The following PDE6C variants were observed in gnomAD, a reference collection of about 807,000 sequenced individuals.
The protein encoded by PDE6C is cone cGMP-specific 3',5'-cyclic phosphodiesterase subunit alpha'.
A neutral mutation model predicts 113.1 loss-of-function variants in PDE6C; 75 were observed. The ratio of observed to expected loss-of-function variants is 0.66; its 90% confidence interval spans 0.55 to 0.80. The LOEUF (loss-of-function observed/expected upper bound fraction) is 0.80. PDE6C is among the 30% of genes least tolerant of loss of function. The pLI is 0.00. For synonymous variants in PDE6C, 375 were observed against 363.7 expected, an observed-to-expected ratio of 1.03 and a Z score of -0.35; for missense variants, 912 against 1,038.6, an observed-to-expected ratio of 0.88 and a Z score of 1.67.
At chr10:93,633,840 G>A (rs1276671154) in intron 8 of PDE6C, among the ~76,000 whole-genome samples, 1 of 152,172 alleles carries the variant, frequency 6.6e-6, no homozygotes, top group African/African-American at 2.4e-5. Flanking sequence ...GTAACATAGT[G>A]GTAAGAAGCA....
chr10:93,636,407 T>TGTGTGTGTGTGTG (rs2058531353), intron 10 of PDE6C, among the ~76,000 whole-genome samples: 4 of 148,302 alleles, frequency 2.7e-5, no homozygotes, highest in South Asian at 2.1e-4. Flanking sequence ...TGTGTGTGTG[T>TGTGTGTGTGTGTG]AGTTTTGCTG....
At chr10:93,648,170 G>C (rs1418862882) in intron 15 of PDE6C, among the ~76,000 whole-genome samples, 1 of 152,088 alleles carries the variant, frequency 6.6e-6, no homozygotes, top group African/African-American at 2.4e-5. Flanking sequence ...TTTTCCATCT[G>C]AATTTTTTTT....
chr10:93,622,447 T>C (rs567703044), intron 4 of PDE6C, among the ~76,000 whole-genome samples: 5 of 152,206 alleles, frequency 3.3e-5, no homozygotes, highest in Non-Finnish European at 7.4e-5. Context: ...AATATTGATA[T>C]ATTATTATTA....
At chr10:93,617,189 C>T (rs1191710107) in intron 1 of PDE6C, among the ~76,000 whole-genome samples, 5 of 152,152 alleles carry the variant, frequency 3.3e-5, no homozygotes, top group African/African-American at 1.2e-4. Context: ...CCTTCAAGGG[C>T]TTCTCTGAAG....
rs67350128 is a variant in PDE6C at position 93,622,639 on chromosome 10, G to GTTTTTTTTTTTTTTTT, written c.864+577_864+578insTTTTTTTTTTTTTTTT. 1.4e-4 allele frequency among the ~76,000 whole-genome samples: 16 copies of GTTTTTTTTTTTTTTTT among 113,978 alleles called. 1 individual carries two copies. Among genetic ancestry groups the GTTTTTTTTTTTTTTTT allele is most frequent in the Middle Eastern group, 4.2e-3 (1 of 236 alleles). The allele number at this position is 113,978 out of a possible 152,430, so 74.8% of individuals were successfully genotyped here. A position where few individuals can be genotyped will look rare whatever the true frequency, so the allele number is the denominator to read the frequency against. ...CCTTCCAAACTCCTGGTAGCCACAG[G>GTTTTTTTTTTTTTTTT]TTTTTTTTTTGTTTTTTTTTTTGTT... On this transcript the variant is annotated intron_variant, in intron 4 of 21. Transcript: ENST00000371447.
At chr10:93,639,492 G>C (rs921869458) in intron 11 of PDE6C, among the ~76,000 whole-genome samples, 1 of 152,156 alleles carries the variant, frequency 6.6e-6, no homozygotes, top group Non-Finnish European at 1.5e-5. Context: ...GTACTGCAGG[G>C]CAATCATTGG....
intron 18 of PDE6C, among the ~76,000 whole-genome samples, chr10:93,661,430 AC>A (rs1249706188): frequency 1.3e-5 from 2 of 152,102 alleles, no homozygotes; most frequent in African/African-American, 4.8e-5. Flanking sequence ...CTTCTCCCTG[AC>A]CCATAGCACT....
Position 93,661,914 on chromosome 10 carries a change from C to T in PDE6C, c.2209-145C>T, listed in dbSNP as rs1018094225. On this transcript the variant is annotated intron_variant, in intron 18 of 21. Coordinates refer to ENST00000371447, the MANE Select transcript of PDE6C (RefSeq NM_006204.4). Reference sequence around the variant, plus strand: ...CATTTCAATATAATCTGTAAATGACCTCTTTTTAAAAGTTAAGAGCATACG... The same window carrying T: ...CATTTCAATATAATCTGTAAATGACTTCTTTTTAAAAGTTAAGAGCATACG... 7.2e-6 allele frequency: 5 copies of T among 696,410 alleles called. No homozygotes were observed. The Admixed American group carries it at 1.0e-4, about 14-fold the overall frequency. 43.1% of individuals were successfully genotyped at this position (696,410 alleles called of 1,614,324 possible).
chr10:93,639,951 A>C, intron 11 of PDE6C, 119 bp from the exon 12 acceptor site: 1 of 1,015,256 alleles, frequency 9.8e-7, no homozygotes, highest in South Asian at 1.3e-5. Context: ...ATGGTGGTTC[A>C]GTGAATCACA....
rs762393579 is a variant in PDE6C, at chr10:93,626,625, CTCTT to C, written c.940-6_940-3del. 7.3e-6 allele frequency: 10 copies of C among 1,367,690 alleles called. No individual in the cohort carries two copies. In the South Asian group the frequency reaches 8.2e-5, roughly 11 times the overall value. The allele number at this position is 1,367,690 out of a possible 1,614,324, so 84.7% of individuals were successfully genotyped here. ...GAAATAACATTATTCCCATAATATC[CTCTT>C]TCTTTCTTAGGAAGTCAACTTTTAT... On this transcript the variant is annotated splice_polypyrimidine_tract_variant and intron_variant, in intron 5 of 21. Coordinates refer to ENST00000371447, the MANE Select transcript of PDE6C (RefSeq NM_006204.4).
chr10:93,636,368 T>TG (rs373109205), intron 10 of PDE6C, among the ~76,000 whole-genome samples: 31,718 of 141,276 alleles, frequency 0.22, 4,296 homozygotes, highest in Non-Finnish European at 0.3. Context: ...TTCCCTGGCT[T>TG]TGTGTGTGTG....
rs1064797148 is a variant in PDE6C at position 93,659,005 on chromosome 10, T to A, written c.2141T>A (p.Ile714Asn). The A allele has an allele frequency of 3.2e-6, 5 of 1,585,788 alleles. No homozygotes were observed. The highest frequency in any genetic ancestry group is 4.3e-6 in the Non-Finnish European group (5 of 1,154,402). The change falls in exon 17 of 22, where the codon ATC becomes AAC. Residue 714 changes from isoleucine to asparagine, a missense_variant. Physicochemically the swap from Ile to Asn is moderately radical, Grantham distance 149. Transcript: ENST00000371447. ...VTVDPTKKEIIMAMMMTACDL... is the reference protein window; with the variant it reads ...VTVDPTKKEINMAMMMTACDL... Reference sequence around the variant, plus strand: ...GTTGATCCAACCAAGAAAGAGATTATCATGTAGGTAGTTGAAATTGTATTT... The same window carrying A: ...GTTGATCCAACCAAGAAAGAGATTAACATGTAGGTAGTTGAAATTGTATTT...
At chr10:93,662,460 C>CAAAAAAAAAA in intron 19 of PDE6C, 100 bp from the exon 20 acceptor site, 1 of 317,270 alleles carries the variant, frequency 3.2e-6, no homozygotes, top group Non-Finnish European at 5.9e-6. Flanking sequence ...GACTCTGCCT[C>CAAAAAAAAAA]AAAAAAAAAA....
At chr10:93,646,272 G>A (rs2058584041) in intron 15 of PDE6C, among the ~76,000 whole-genome samples, 1 of 152,154 alleles carries the variant, frequency 6.6e-6, no homozygotes. Context: ...CAGAATCTCT[G>A]TGGGTCTGTA....
chr10:93,656,839 G>A (rs1188665330), intron 16 of PDE6C, among the ~76,000 whole-genome samples: 1 of 152,082 alleles, frequency 6.6e-6, no homozygotes, highest in African/African-American at 2.4e-5. Context: ...AAAGTGCTGG[G>A]ATTACAGGTG....
chr10:93,659,283 A>G (rs2058655419), intron 18 of PDE6C, 116 bp downstream of exon 18: 6 of 735,246 alleles, frequency 8.2e-6, no homozygotes, highest in Non-Finnish European at 1.2e-5. Flanking sequence ...TACAAATATT[A>G]GTGAGACAGT....
At chr10:93,629,858 C>A (rs1429398547) in intron 8 of PDE6C, among the ~76,000 whole-genome samples, 4 of 152,144 alleles carry the variant, frequency 2.6e-5, no homozygotes, top group Non-Finnish European at 5.9e-5. Flanking sequence ...CACCCGAGTA[C>A]CCACTGCTCT....
intron 7 of PDE6C, among the ~76,000 whole-genome samples, 171 bp from the exon 8 acceptor site, chr10:93,629,087 T>C (rs780865769): frequency 1.6e-4 from 24 of 152,162 alleles, no homozygotes; most frequent in Non-Finnish European, 2.5e-4. Flanking sequence ...GGAAGCCATC[T>C]TGAATGAGTT....
chr10:93,612,865 G>T lies in PDE6C; in HGVS notation c.140G>T (p.Ser47Ile), dbSNP rs1240020599. ...AACAGCCAGGTGCCAGTCCAGTCCA[G>T]CATGTCCTTCTCTGAGCTGACCCAG... is the stretch of plus-strand genomic sequence containing the variant. ...FKNSQVPVQS[S>I]MSFSELTQVE... Residue 47 changes from serine to isoleucine, a missense_variant, in exon 1 of 22, where the codon AGC becomes ATC. Ser to Ile is a moderately radical substitution (Grantham distance 142, BLOSUM62 -2). Coordinates refer to ENST00000371447, the MANE Select transcript of PDE6C (RefSeq NM_006204.4). 2 of 1,614,152 alleles carry T rather than the reference G, an allele frequency of 1.2e-6. No homozygotes were observed. The highest frequency in any genetic ancestry group is 1.1e-5 in the South Asian group (1 of 91,088).
Sources: gnomAD v4.1 joint callset for allele counts (sites outside exome capture counted in the v4.1 genomes callset) on GRCh38, gnomAD v4.1.1 for gene constraint, MANE v1.5 for transcripts, NCBI Gene and HGNC (gene_info 2026-07-23, HGNC 2026-07-21) for gene names.